Variants in NIN observed in about 807,000 individuals in gnomAD.
The protein encoded by NIN is ninein.
Under a neutral mutation model 257.6 loss-of-function variants are expected in NIN, and 137 were observed. The observed-to-expected ratio is 0.53, with a 90% confidence interval of 0.46 to 0.61. NIN has a LOEUF of 0.61. Ranked by LOEUF, NIN falls within the 20% of genes least tolerant of loss-of-function variation. NIN has a pLI of 0.00. For missense variants in NIN, 2,439 were observed against 2,501.2 expected (o/e 0.98, Z 0.53); for synonymous variants, 918 against 919.8 (o/e 1.00, Z 0.04).
At chr14:50,799,742 G>A (rs1356561457) in intron 4 of NIN, among the ~76,000 whole-genome samples, 4 of 152,102 alleles carry the variant, frequency 2.6e-5, no homozygotes, top group South Asian at 2.1e-4. Context: ...AGCACTTTGC[G>A]AGGCTGAGCC....
chr14:50,761,917 AAC>A lies in NIN; in HGVS notation c.1775-8_1775-7del. 6.2e-7 allele frequency: 1 copy of A among 1,614,070 alleles called. No homozygotes were observed. The highest frequency in any genetic ancestry group is 1.1e-5 in the South Asian group (1 of 91,058). The stretch of plus-strand genomic sequence containing the variant: ...GCATTCTTCAGAACCGAGCCCTGAA[AAC>A]ACATGGGACTCATTGATCCTGCAGC... On this transcript the variant is annotated splice_polypyrimidine_tract_variant and splice_region_variant and intron_variant, in intron 15 of 30. Coordinates refer to ENST00000530997, the MANE Select transcript of NIN (RefSeq NM_020921.4).
Position 50,741,214 on chromosome 14 carries a change from T to C in NIN, c.5448+368A>G, listed in dbSNP as rs2041265375. 3.3e-5 allele frequency among the ~76,000 whole-genome samples: 5 copies of C among 152,250 alleles called. No individual in the cohort carries two copies. In the South Asian group the frequency reaches 1.0e-3, roughly 31 times the overall value. The stretch of plus-strand genomic sequence containing the variant: ...TTCTCTACCATTTAAGAAAATGTTT[T>C]AGTTTTGTTATTACAAAACTCAACT... On this transcript the variant is annotated intron_variant, in intron 25 of 30. Transcript: ENST00000530997.
chr14:50,773,024 C>T lies in NIN; in HGVS notation c.738G>A (p.Leu246=). 1 of 1,612,904 alleles carries T rather than the reference C, an allele frequency of 6.2e-7. No homozygotes were observed. Among genetic ancestry groups the T allele is most frequent in the South Asian group, 1.1e-5 (1 of 91,038 alleles). The change falls in exon 8 of 31, where the codon TTG becomes TTA. Residue 246 remains leucine, a synonymous_variant. Coordinates refer to ENST00000530997, the MANE Select transcript of NIN (RefSeq NM_020921.4). The stretch of plus-strand genomic sequence containing the variant: ...GTGTAAGAGATTTTCCATTTTTAAA[C>T]AAACCATAGAAAAAATCTTCTACAC... ...TMSVEDFFYG[L]FKNGKSLTPS... is the part of the protein sequence containing the mutation.
chr14:50,818,182 G>C (rs1392887162), intron 3 of NIN, among the ~76,000 whole-genome samples: 1 of 151,714 alleles, frequency 6.6e-6, no homozygotes, highest in Non-Finnish European at 1.5e-5. Context: ...AATTAGCCGG[G>C]TGTGTTGGTG....
At chr14:50,782,936 C>T (rs1210253600) in intron 5 of NIN, among the ~76,000 whole-genome samples, 1 of 141,804 alleles carries the variant, frequency 7.1e-6, no homozygotes, top group Non-Finnish European at 1.5e-5. Flanking sequence ...CCATCTCAAA[C>T]AGACATTCTT....
At chr14:50,742,571 T>C (rs543284042) in intron 24 of NIN, among the ~76,000 whole-genome samples, 1 of 152,126 alleles carries the variant, frequency 6.6e-6, no homozygotes, top group East Asian at 1.9e-4. Context: ...TTTTTTTGTA[T>C]TTTTAGTAGA....
At position 50,739,501 on chromosome 14, in the gene NIN, C is replaced by T. The variant is rs1418335901; in HGVS notation, c.5449-14G>A. The T allele has an allele frequency of 3.7e-6, 6 of 1,613,296 alleles. No homozygotes were observed. The highest frequency in any genetic ancestry group is 5.1e-6 in the Non-Finnish European group (6 of 1,179,726). On this transcript the variant is annotated splice_polypyrimidine_tract_variant and intron_variant, in intron 25 of 30. Coordinates refer to ENST00000530997, the MANE Select transcript of NIN (RefSeq NM_020921.4). ...TGGGGCCCAGCTCTTAAGAGAATTG[C>T]AGAGTGTAAGCCTTAAAAACAAGCT...
At chr14:50,830,586 G>T (rs999053807) in intron 1 of NIN, 69 bp from the exon 2 acceptor site, 10 of 167,914 alleles carry the variant, frequency 6.0e-5, no homozygotes, top group African/African-American at 2.2e-4. Flanking sequence ...CCGGCGCAGC[G>T]GTTCCGGGCG....
rs115449691 is a variant in NIN, at chr14:50,746,504, C to A, written c.5064+1488G>T. 8.9e-3 allele frequency among the ~76,000 whole-genome samples: 1,349 copies of A among 152,242 alleles called. 26 individuals are homozygous for A. Among genetic ancestry groups the A allele is most frequent in the African/African-American group, 0.031 (1,281 of 41,534 alleles). The stretch of plus-strand genomic sequence containing the variant: ...ATAATGCTATTAAAAAAGCAAGACG[C>A]ATAGGAGTCAATCAGATCAACATAA... On this transcript the variant is annotated intron_variant, in intron 22 of 30. Coordinates refer to ENST00000530997, the MANE Select transcript of NIN (RefSeq NM_020921.4).
chr14:50,762,032 T>G, intron 15 of NIN, 121 bp from the exon 16 acceptor site: 1 of 1,038,152 alleles, frequency 9.6e-7, no homozygotes, highest in Non-Finnish European at 1.4e-6. Context: ...ACCAGAGATG[T>G]GAACTAATAG....
At chr14:50,827,650 G>A (rs1325898820) in intron 2 of NIN, among the ~76,000 whole-genome samples, 1 of 150,808 alleles carries the variant, frequency 6.6e-6, no homozygotes, top group Non-Finnish European at 1.5e-5. Context: ...CCAGCTACTC[G>A]GGAGGCTGAG....
chr14:50,734,829 A>C (rs1480317618), intron 28 of NIN, among the ~76,000 whole-genome samples: 1 of 149,334 alleles, frequency 6.7e-6, no homozygotes, highest in Admixed American at 6.7e-5. Flanking sequence ...GGTACGTGCC[A>C]CCACACCTGG....
rs114596151 is a variant in NIN at position 50,737,593 on chromosome 14, A to C, written c.5775+547T>G. ...ACTTATAAGGGCTTCTAATACTAAT[A>C]AAGATGATTAATTGCCTTCTTTAAG... On this transcript the variant is annotated intron_variant, in intron 27 of 30. Coordinates refer to ENST00000530997, the MANE Select transcript of NIN (RefSeq NM_020921.4). Among the ~76,000 whole-genome samples, 1,135 of 150,036 alleles carry C rather than the reference A, an allele frequency of 7.6e-3. 17 individuals are homozygous for C. The highest frequency in any genetic ancestry group is 0.026 in the African/African-American group (1,054 of 41,020).
chr14:50,755,648 CTTT>C lies in NIN; in HGVS notation c.4539-784_4539-782del, dbSNP rs71118900. ...TAAATTTCCACTGTTTGTTTTGTCT[CTTT>C]TTTTTTTTTTTTTTTTTTTTTTTTT... On this transcript the variant is annotated intron_variant, in intron 18 of 30. Coordinates refer to ENST00000530997, the MANE Select transcript of NIN (RefSeq NM_020921.4). Among the ~76,000 whole-genome samples the C allele has an allele frequency of 1.5e-3, 120 of 79,984 alleles. 2 individuals carry two copies. The East Asian group carries it at 0.025, about 17-fold the overall frequency. The allele number at this position is 79,984 out of a possible 152,430, so 52.5% of individuals were successfully genotyped here.
Position 50,754,751 on chromosome 14 carries a change from T to C in NIN, c.4655A>G (p.Glu1552Gly). 1 of 1,585,928 alleles carries C rather than the reference T, an allele frequency of 6.3e-7. No homozygotes were observed. The highest frequency in any genetic ancestry group is 8.6e-7 in the Non-Finnish European group (1 of 1,164,332). The change falls in exon 19 of 31, where the codon GAA becomes GGA. Residue 1552 changes from glutamate to glycine, a missense_variant. Glu to Gly is a moderately conservative substitution (Grantham distance 98). Around this residue, in one of 3 missense-constraint regions of NIN, gnomAD observed 2,043 missense variants for 2,050.2 expected, o/e 1.00. Coordinates refer to ENST00000530997, the MANE Select transcript of NIN (RefSeq NM_020921.4). ...TAAGTATACGTCTTACCACATTTCT[T>C]CCTGAGATCCATTTAATGTCCCTAA... ...LKLGTLNGSQ[E>G]EMWQKTETVK... is the part of the protein sequence containing the mutation.
rs532523859 is a variant in NIN at position 50,782,842 on chromosome 14, C to G, written c.436-4038G>C. 1.4e-4 allele frequency among the ~76,000 whole-genome samples: 22 copies of G among 152,318 alleles called. No individual in the cohort carries two copies. In the South Asian group the frequency reaches 4.3e-3, roughly 30 times the overall value. ...TTTGGTGGGAAGCCCAGGTGCTGCT[C>G]AGGCTGGTGAATGTTGGATGCCAAT... On this transcript the variant is annotated intron_variant, in intron 5 of 30. Coordinates refer to ENST00000530997, the MANE Select transcript of NIN (RefSeq NM_020921.4).
At chr14:50,795,991 G>A (rs1285688029) in intron 4 of NIN, among the ~76,000 whole-genome samples, 3 of 152,232 alleles carry the variant, frequency 2.0e-5, no homozygotes, top group South Asian at 2.1e-4. Context: ...AAACAGAAAC[G>A]AAACAAAACA....
chr14:50,811,111 CT>C (rs61652857), intron 3 of NIN, among the ~76,000 whole-genome samples: 242 of 141,924 alleles, frequency 1.7e-3, no homozygotes, highest in Middle Eastern at 3.7e-3. Flanking sequence ...GAAGCTATTA[CT>C]TTTTTTTTTT....
intron 8 of NIN, 21 bp downstream of exon 8, chr14:50,772,928 G>C: frequency 6.3e-7 from 1 of 1,595,646 alleles, no homozygotes. Flanking sequence ...CACAAAGAAA[G>C]CACTTCTGCT....
Sources: gnomAD v4.1 joint callset for allele counts (sites outside exome capture counted in the v4.1 genomes callset) on GRCh38, gnomAD v4.1.1 for gene constraint, gnomAD v4.1.1 regional missense constraint, MANE v1.5 for transcripts, NCBI Gene and HGNC (gene_info 2026-07-23, HGNC 2026-07-21) for gene names.